The following KCNH1 variants were observed in gnomAD, a reference collection of about 807,000 sequenced individuals.
The protein encoded by KCNH1 is potassium voltage-gated channel subfamily H member 1, also known as voltage-gated delayed rectifier potassium channel KCNH1.
Under a neutral mutation model 69.2 loss-of-function variants are expected in KCNH1, and 27 were observed. The observed-to-expected ratio is 0.39, with a 90% CI of 0.29 to 0.54. KCNH1 has a LOEUF of 0.54. KCNH1 is among the 20% of genes least tolerant of loss of function. The probability of loss-of-function intolerance (pLI) is 0.68; values close to 1 mark genes in which losing one functional copy is unlikely to be tolerated. For synonymous variants in KCNH1, 456 were observed against 487.7 expected (o/e 0.93, Z 0.86); for missense variants, 798 against 1,261.6 (o/e 0.63, Z 5.57).
Position 211,123,904 on chromosome 1 carries a change from A to T in KCNH1, c.79+9963T>A, listed in dbSNP as rs1031938120. 2.6e-5 allele frequency among the ~76,000 whole-genome samples: 4 copies of T among 152,132 alleles called. No homozygotes were observed. In the South Asian group the frequency reaches 6.2e-4, roughly 24 times the overall value. ...ACCCGGAAATATGGTGTTACTAGGG[A>T]CACGTGAGAGGTAGGGATTGGGAAG... On this transcript the variant is annotated intron_variant, in intron 1 of 10. Coordinates refer to ENST00000271751, the MANE Select transcript of KCNH1 (RefSeq NM_172362.3).
Position 211,121,215 on chromosome 1 carries a change from T to C in KCNH1, c.79+12652A>G, listed in dbSNP as rs1046868884. Among the ~76,000 whole-genome samples, 3 of 152,148 alleles carry C rather than the reference T, an allele frequency of 2.0e-5. No individual in the cohort carries two copies. The South Asian group carries it at 6.2e-4, about 32-fold the overall frequency. ...ATGTAGAATCAAAGAAGACCCTATA[T>C]AGCCAAGACAATCCTAAGCAAAAAG... On this transcript the variant is annotated intron_variant, in intron 1 of 10. Transcript: ENST00000271751.
intron 7 of KCNH1, among the ~76,000 whole-genome samples, chr1:210,892,632 G>T (rs1250164131): frequency 2.0e-5 from 3 of 152,022 alleles, no homozygotes; most frequent in African/African-American, 4.8e-5. Context: ...TGGTAAAAAT[G>T]GACCCAAAAA....
chr1:210,927,925 A>C (rs992916728), intron 6 of KCNH1, among the ~76,000 whole-genome samples: 1 of 152,194 alleles, frequency 6.6e-6, no homozygotes, highest in Non-Finnish European at 1.5e-5. Flanking sequence ...TATATCAGAC[A>C]AAACAAACTT....
chr1:210,862,049 G>C, intron 7 of KCNH1: 8 of 788,752 alleles, frequency 1.0e-5, no homozygotes. Flanking sequence ...ATAGTATAAG[G>C]GGATATATAC....
intron 7 of KCNH1, among the ~76,000 whole-genome samples, chr1:210,882,986 C>G (rs892904103): frequency 1.3e-5 from 2 of 152,106 alleles, no homozygotes; most frequent in Admixed American, 6.6e-5. Flanking sequence ...GAATGCATTA[C>G]GGAAGAATGA....
chr1:211,133,163 GAGGGGAAATATAAC>G lies in KCNH1; in HGVS notation c.79+690_79+703del, dbSNP rs1229423699. 1 of 152,280 alleles carries G rather than the reference GAGGGGAAATATAAC, an allele frequency of 6.6e-6. No individual in the cohort carries two copies. Among genetic ancestry groups the G allele is most frequent in the Non-Finnish European group, 1.5e-5 (1 of 68,110 alleles). 9.4% of individuals were successfully genotyped at this position (152,280 alleles called of 1,614,324 possible). ...GCATAAAACCGTTGTGGGTTTGGAA[GAGGGGAAATATAAC>G]AGGTTTGTACCTGTGACCATTTAGT... is the stretch of plus-strand genomic sequence containing the variant. On this transcript the variant is annotated intron_variant, in intron 1 of 10. Transcript: ENST00000271751. The surrounding 1 kb of genome is among the most constrained non-coding windows in gnomAD (Gnocchi z 5.4).
rs577890893 is a variant in KCNH1 at position 210,881,454 on chromosome 1, C to T, written c.1462+38186G>A. Reference sequence around the variant, plus strand: ...TGGTATAGCCACTTTGGAAGACAGTCTGGTGATTTGTTACAATATTAAACA... The same window carrying T: ...TGGTATAGCCACTTTGGAAGACAGTTTGGTGATTTGTTACAATATTAAACA... On this transcript the variant is annotated intron_variant, in intron 7 of 10. Coordinates refer to ENST00000271751, the MANE Select transcript of KCNH1 (RefSeq NM_172362.3). Among the ~76,000 whole-genome samples the T allele has an allele frequency of 1.8e-4, 27 of 152,322 alleles. No homozygotes were observed. The South Asian group carries it at 5.4e-3, about 30-fold the overall frequency.
chr1:211,110,064 A>G (rs1416519236), intron 1 of KCNH1, among the ~76,000 whole-genome samples: 1 of 152,122 alleles, frequency 6.6e-6, no homozygotes, highest in Non-Finnish European at 1.5e-5. Flanking sequence ...CCAACAGGAA[A>G]AACATATACC....
chr1:210,840,776 C>T (rs1346838974), intron 7 of KCNH1, among the ~76,000 whole-genome samples: 1 of 152,140 alleles, frequency 6.6e-6, no homozygotes, highest in Non-Finnish European at 1.5e-5. Flanking sequence ...AAAAAAGCCC[C>T]TCAAGTCACC....
intron 5 of KCNH1, among the ~76,000 whole-genome samples, chr1:211,045,955 C>T (rs749160143): frequency 6.6e-6 from 1 of 152,118 alleles, no homozygotes; most frequent in Non-Finnish European, 1.5e-5. Context: ...CTGCGTCTGG[C>T]TTATTTCACT....
chr1:210,876,029 C>A (rs1686367060), intron 7 of KCNH1, among the ~76,000 whole-genome samples: 1 of 151,962 alleles, frequency 6.6e-6, no homozygotes, highest in Admixed American at 6.5e-5. Flanking sequence ...AACTATAAAA[C>A]CCAATATTAT....
intron 7 of KCNH1, among the ~76,000 whole-genome samples, chr1:210,836,111 C>CAAAAAAAA (rs776429016): frequency 2.1e-5 from 2 of 93,374 alleles, no homozygotes; most frequent in Non-Finnish European, 3.9e-5. Context: ...GTCTCCGTCT[C>CAAAAAAAA]AAAAAAAAAA....
At position 210,983,814 on chromosome 1, in the gene KCNH1, C is replaced by A. The variant is rs935559879; in HGVS notation, c.1032+34969G>T. Among the ~76,000 whole-genome samples the A allele has an allele frequency of 3.3e-5, 5 of 152,138 alleles. No homozygotes were observed. In the South Asian group the frequency reaches 8.3e-4, roughly 25 times the overall value. On this transcript the variant is annotated intron_variant, in intron 6 of 10. Transcript: ENST00000271751. ...TTTTTTCCAATTCTGTGAAGAAAGTCATTGGTAGCTTGATGGGAATGGCAT... is the reference window on the plus strand; with the variant it reads ...TTTTTTCCAATTCTGTGAAGAAAGTAATTGGTAGCTTGATGGGAATGGCAT...
chr1:211,134,117 C>A lies in KCNH1; in HGVS notation c.-172G>T. ...GGCTGCTACCCTCGCGCCCTCTTCG[C>A]GCCTCCCTCCCTGCGGCCCGCCTCG... On this transcript the variant is annotated 5_prime_UTR_variant, in exon 1 of 11. Transcript: ENST00000271751. This position sits in a 1 kb window ranked among gnomAD's most constrained non-coding sequence, Gnocchi z 5.7. 2 of 505,880 alleles carry A rather than the reference C, an allele frequency of 4.0e-6. No individual in the cohort carries two copies. The highest frequency in any genetic ancestry group is 3.6e-5 in the East Asian group (1 of 27,760). 31.3% of individuals were successfully genotyped at this position (505,880 alleles called of 1,614,324 possible).
intron 6 of KCNH1, among the ~76,000 whole-genome samples, chr1:211,014,499 A>G (rs924567): frequency 0.71 from 108,208 of 152,150 alleles, 39,408 homozygotes; most frequent in African/African-American, 0.87. Flanking sequence ...TCACTTGTGC[A>G]GCTTAAATCA....
intron 7 of KCNH1, among the ~76,000 whole-genome samples, chr1:210,907,562 A>C (rs1687130464): frequency 6.6e-6 from 1 of 151,714 alleles, no homozygotes; most frequent in Non-Finnish European, 1.5e-5. Flanking sequence ...TGGAAAAAGC[A>C]TTCTATTATT....
At chr1:210,953,600 C>T (rs1558538954) in intron 6 of KCNH1, among the ~76,000 whole-genome samples, 2 of 152,304 alleles carry the variant, frequency 1.3e-5, no homozygotes, top group East Asian at 3.9e-4. Context: ...GTCTCCCTGG[C>T]TCAGGTGTAA....
chr1:210,860,855 C>T (rs1685962791), intron 7 of KCNH1: 2 of 919,428 alleles, frequency 2.2e-6, no homozygotes, highest in Non-Finnish European at 3.6e-6. Context: ...ACTCAGCAAG[C>T]CCTTGCTCTC....
intron 10 of KCNH1, among the ~76,000 whole-genome samples, chr1:210,707,951 G>C (rs1337364678): frequency 3.9e-5 from 6 of 152,178 alleles, no homozygotes; most frequent in African/African-American, 1.4e-4. Context: ...TCTTAAGTGT[G>C]CTTTAGCTAT....
Sources: allele counts gnomAD v4.1 joint callset (sites outside exome capture counted in the v4.1 genomes callset), GRCh38; gene constraint gnomAD v4.1.1; non-coding constraint Gnocchi (gnomAD v3.1); transcripts MANE v1.5; gene names NCBI Gene and HGNC (gene_info 2026-07-23, HGNC 2026-07-21).